Variants in C2orf76 observed in about 807,000 individuals in gnomAD.
C2orf76 encodes chromosome 2 open reading frame 76, also known as UPF0538 protein C2orf76.
A neutral mutation model predicts 16.9 loss-of-function variants in C2orf76; 23 were observed. The ratio of observed to expected loss-of-function variants is 1.36; its 90% CI spans 0.98 to 1.93. The LOEUF (loss-of-function observed/expected upper bound fraction) is 1.93. Ranked by LOEUF, C2orf76 falls within the 30% of genes most tolerant of loss-of-function variation. The pLI is 0.00. For missense variants in C2orf76, 152 were observed against 152.6 expected (o/e 1.00, Z 0.02); for synonymous variants, 48 against 52.3 (o/e 0.92, Z 0.35).
intron 3 of C2orf76, among the ~76,000 whole-genome samples, chr2:119,319,833 C>T (rs6542521): frequency 0.17 from 25,872 of 152,046 alleles, 2,637 homozygotes; most frequent in Middle Eastern, 0.3. Context: ...TGCCCTGTCC[C>T]GCAGACCGTG....
rs913716410 is a variant in C2orf76 at position 119,334,019 on chromosome 2, C to T, written c.133+5808G>A. 3.3e-5 allele frequency among the ~76,000 whole-genome samples: 5 copies of T among 151,852 alleles called. No individual in the cohort carries two copies. In the East Asian group the frequency reaches 5.8e-4, roughly 18 times the overall value. ...TGTTGTCCAGTCTGGGCTCAAACTC[C>T]GAGGCTCAAGTGATTTTCCTACCTC... is the stretch of plus-strand genomic sequence containing the variant. On this transcript the variant is annotated intron_variant, in intron 2 of 5. Coordinates refer to ENST00000334816, the MANE Select transcript of C2orf76 (RefSeq NM_001322331.2).
intron 1 of C2orf76, among the ~76,000 whole-genome samples, chr2:119,360,690 T>C (rs1680717642): frequency 6.6e-6 from 1 of 152,158 alleles, no homozygotes; most frequent in Non-Finnish European, 1.5e-5. Context: ...AGACAAGTGA[T>C]TGGCAGCAGC....
the C2orf76 span, among the ~76,000 whole-genome samples, chr2:119,289,335 T>C: frequency 3.3e-5 from 5 of 152,078 alleles, no homozygotes; most frequent in African/African-American, 1.2e-4. Flanking sequence ...ATCTTGCACT[T>C]AACCAAGTCT....
intron 2 of C2orf76, among the ~76,000 whole-genome samples, chr2:119,330,757 G>A (rs1679652806): frequency 6.6e-6 from 1 of 151,662 alleles, no homozygotes; most frequent in South Asian, 2.1e-4. Flanking sequence ...GTCTTTTCCT[G>A]TGTTTCATTT....
At chr2:119,309,933 A>C (rs1449484105) in intron 5 of C2orf76, among the ~76,000 whole-genome samples, 1 of 152,136 alleles carries the variant, frequency 6.6e-6, no homozygotes, top group Non-Finnish European at 1.5e-5. Flanking sequence ...TTTTTAAAAA[A>C]TTTTTTTACA....
upstream of C2orf76, chr2:119,366,981 C>G: frequency 6.2e-7 from 1 of 1,603,208 alleles, no homozygotes; most frequent in Non-Finnish European, 8.5e-7. Context: ...CTTGCCAGTG[C>G]AATCTGGGCG....
intron 1 of C2orf76, among the ~76,000 whole-genome samples, chr2:119,365,355 T>C (rs1680905830): frequency 6.6e-6 from 1 of 152,224 alleles, no homozygotes; most frequent in Admixed American, 6.5e-5. Flanking sequence ...AACCTGCATT[T>C]CTTACACTTC....
At chr2:119,306,226 T>C (rs909101988) in intron 5 of C2orf76, among the ~76,000 whole-genome samples, 1 of 152,028 alleles carries the variant, frequency 6.6e-6, no homozygotes, top group Non-Finnish European at 1.5e-5. Flanking sequence ...AGAAAGGGAA[T>C]GGGACTCACA....
At chr2:119,288,085 C>T in the C2orf76 span, among the ~76,000 whole-genome samples, 1 of 150,092 alleles carries the variant, frequency 6.7e-6, no homozygotes, top group Non-Finnish European at 1.5e-5. Flanking sequence ...AGATGTGGGT[C>T]GTGCACTTGT....
At chr2:119,345,204 A>G (rs1432156543) in intron 1 of C2orf76, among the ~76,000 whole-genome samples, 1 of 152,228 alleles carries the variant, frequency 6.6e-6, no homozygotes, top group Non-Finnish European at 1.5e-5. Context: ...AGAAACAAGG[A>G]TAAAGGTAAT....
chr2:119,309,737 T>TTATCTG (rs1678921871), intron 5 of C2orf76, among the ~76,000 whole-genome samples: 1 of 152,204 alleles, frequency 6.6e-6, no homozygotes, highest in Admixed American at 6.5e-5. Context: ...TAATAACTTT[T>TTATCTG]TATCTGTTGT....
intron 2 of C2orf76, among the ~76,000 whole-genome samples, chr2:119,326,859 G>A (rs541718999): frequency 6.6e-6 from 1 of 151,738 alleles, no homozygotes; most frequent in South Asian, 2.1e-4. Flanking sequence ...TATATTGCTT[G>A]TAACTAGAAA....
chr2:119,328,736 C>CT (rs1679585812), intron 2 of C2orf76, among the ~76,000 whole-genome samples: 1 of 152,072 alleles, frequency 6.6e-6, no homozygotes, highest in Non-Finnish European at 1.5e-5. Flanking sequence ...GTACTATAGA[C>CT]TTTCTTTTAA....
the C2orf76 span, among the ~76,000 whole-genome samples, chr2:119,294,916 A>G: frequency 0.031 from 4,693 of 152,214 alleles, 223 homozygotes; most frequent in African/African-American, 0.11. Context: ...GAGAAGGCAT[A>G]GAGGATCTCA....
In C2orf76 at chr2:119,329,558, T is replaced by C. The variant is rs944111158; in HGVS notation, c.134-8354A>G. Among the ~76,000 whole-genome samples, 3 of 152,336 alleles carry C rather than the reference T, an allele frequency of 2.0e-5. No individual in the cohort carries two copies. In the East Asian group the frequency reaches 5.8e-4, roughly 29 times the overall value. On this transcript the variant is annotated intron_variant, in intron 2 of 5. Transcript: ENST00000334816. ...AAATTTGTTCTCTATTTCCTCTTTT[T>C]CTATCTTCTTTTGGATTGTCTATTT...
the C2orf76 span, among the ~76,000 whole-genome samples, chr2:119,296,275 A>C: frequency 6.6e-6 from 1 of 152,186 alleles, no homozygotes; most frequent in Non-Finnish European, 1.5e-5. Context: ...ACCTCAGACC[A>C]ATCAAGTCAA....
intron 1 of C2orf76, among the ~76,000 whole-genome samples, chr2:119,352,840 C>T (rs1680446957): frequency 6.6e-6 from 1 of 152,088 alleles, no homozygotes; most frequent in Non-Finnish European, 1.5e-5. Flanking sequence ...CATATACATA[C>T]CTACGTATGT....
At chr2:119,365,979 C>G (rs1029865998) in intron 1 of C2orf76, among the ~76,000 whole-genome samples, 1 of 152,146 alleles carries the variant, frequency 6.6e-6, no homozygotes, top group East Asian at 1.9e-4. Context: ...TACTCTTCCC[C>G]TGGTTCCTTG....
intron 2 of C2orf76, among the ~76,000 whole-genome samples, chr2:119,337,055 A>ATTTT (rs773781304): frequency 9.8e-6 from 1 of 101,680 alleles, no homozygotes. Flanking sequence ...TTATTTATTT[A>ATTTT]TTTATTTATT....
Sources: gnomAD v4.1 joint callset for allele counts (sites outside exome capture counted in the v4.1 genomes callset) on GRCh38, gnomAD v4.1.1 for gene constraint, MANE v1.5 for transcripts, NCBI Gene and HGNC (gene_info 2026-07-23, HGNC 2026-07-21) for gene names.